Variants in SGK3 observed in about 807,000 individuals in gnomAD.
SGK3 encodes the protein serine/threonine-protein kinase Sgk3.
Under a neutral mutation model 68.5 loss-of-function variants are expected in SGK3, and 47 were observed. That is an observed-to-expected ratio of 0.69 (90% CI 0.54 to 0.87). SGK3 has a LOEUF of 0.87. SGK3 is among the 40% of genes least tolerant of loss of function. The probability of loss-of-function intolerance (pLI) is 0.00; values close to 1 mark genes in which losing one functional copy is unlikely to be tolerated. For synonymous variants in SGK3, 181 were observed against 189.1 expected (o/e 0.96, Z 0.35); for missense variants, 479 against 575.5 (o/e 0.83, Z 1.72).
chr8:66,721,881 A>G (rs2130336046), intron 1 of SGK3, among the ~76,000 whole-genome samples: 1 of 152,270 alleles, frequency 6.6e-6, no homozygotes, highest in South Asian at 2.1e-4. Flanking sequence ...TTTTGTTTTC[A>G]AGTAAGTTAA....
At chr8:66,786,784 C>G (rs1807215815) in intron 1 of SGK3, among the ~76,000 whole-genome samples, 2 of 152,252 alleles carry the variant, frequency 1.3e-5, no homozygotes, top group South Asian at 4.1e-4. Context: ...TTTAGCTAAG[C>G]TGTACAGTCT....
intron 1 of SGK3, among the ~76,000 whole-genome samples, chr8:66,781,112 A>T (rs1806958244): frequency 6.6e-6 from 1 of 152,178 alleles, no homozygotes. Flanking sequence ...GTATGTTCAC[A>T]TCTGCCTGTA....
chr8:66,722,499 G>C (rs1026998127), intron 1 of SGK3, among the ~76,000 whole-genome samples: 1 of 152,082 alleles, frequency 6.6e-6, no homozygotes, highest in African/African-American at 2.4e-5. Flanking sequence ...GTCTCGATCT[G>C]CTGACCTCGT....
chr8:66,784,191 A>AC (rs910112079), intron 1 of SGK3, among the ~76,000 whole-genome samples: 1 of 152,018 alleles, frequency 6.6e-6, no homozygotes, highest in Non-Finnish European at 1.5e-5. Flanking sequence ...GTCAACCATC[A>AC]CCCGGCCTAC....
chr8:66,827,010 T>G (rs541877121), intron 6 of SGK3, among the ~76,000 whole-genome samples: 3 of 152,310 alleles, frequency 2.0e-5, no homozygotes, highest in South Asian at 4.1e-4. Context: ...ATAGTTTATA[T>G]TCTAGATATT....
At chr8:66,841,950 T>C (rs1176039270) in intron 13 of SGK3, among the ~76,000 whole-genome samples, 1 of 152,188 alleles carries the variant, frequency 6.6e-6, no homozygotes, top group African/African-American at 2.4e-5. Flanking sequence ...TACCACATAA[T>C]ATTTCATCTT....
intron 1 of SGK3, among the ~76,000 whole-genome samples, chr8:66,715,138 T>C (rs1303970760): frequency 1.3e-5 from 2 of 152,234 alleles, no homozygotes; most frequent in Admixed American, 1.3e-4. Flanking sequence ...CCACCTCTGG[T>C]TTTTGAAAAA....
chr8:66,767,227 T>C (rs2130477378), intron 1 of SGK3, among the ~76,000 whole-genome samples: 1 of 152,364 alleles, frequency 6.6e-6, no homozygotes, highest in Admixed American at 6.5e-5. Context: ...TTATTTTGGA[T>C]TAAGCATTAT....
intron 4 of SGK3, among the ~76,000 whole-genome samples, chr8:66,813,504 G>A (rs1808462875): frequency 1.3e-5 from 2 of 151,898 alleles, no homozygotes; most frequent in Admixed American, 1.3e-4. Flanking sequence ...TTTATTCATT[G>A]TTTGGTAGTA....
intron 1 of SGK3, among the ~76,000 whole-genome samples, chr8:66,736,363 G>A (rs1021241687): frequency 2.0e-5 from 3 of 152,052 alleles, no homozygotes; most frequent in Non-Finnish European, 4.4e-5. Context: ...ATCTAGATAT[G>A]ATTTAAAGTA....
intron 12 of SGK3, 33 bp from the exon 13 acceptor site, chr8:66,840,991 A>G (rs754999794): frequency 4.8e-6 from 7 of 1,468,644 alleles, no homozygotes; most frequent in Non-Finnish European, 6.4e-6. Flanking sequence ...ATATTTATGC[A>G]TTGTTTTATC....
chr8:66,848,617 T>C (rs537477765), intron 15 of SGK3, among the ~76,000 whole-genome samples: 1 of 152,358 alleles, frequency 6.6e-6, no homozygotes, highest in South Asian at 2.1e-4. Flanking sequence ...TGTTTCCACC[T>C]GTGCACTGTA....
chr8:66,774,803 C>A (rs977995336), intron 1 of SGK3, among the ~76,000 whole-genome samples: 1 of 152,136 alleles, frequency 6.6e-6, no homozygotes, highest in Non-Finnish European at 1.5e-5. Context: ...CTAATGACGT[C>A]TCACGCCTGG....
intron 4 of SGK3, among the ~76,000 whole-genome samples, chr8:66,812,263 A>G (rs1290009281): frequency 6.6e-6 from 1 of 152,122 alleles, no homozygotes; most frequent in Admixed American, 6.6e-5. Flanking sequence ...TTTAGAGTAT[A>G]TTTCTTAAGA....
chr8:66,834,499 T>TG (rs1175842499), intron 8 of SGK3, among the ~76,000 whole-genome samples: 110 of 152,012 alleles, frequency 7.2e-4, no homozygotes, highest in African/African-American at 2.6e-3. Flanking sequence ...TGTTTTGTTT[T>TG]TTTGAACTGC....
At chr8:66,844,720 T>C (rs1809937281) in intron 14 of SGK3, among the ~76,000 whole-genome samples, 1 of 152,128 alleles carries the variant, frequency 6.6e-6, no homozygotes, top group Non-Finnish European at 1.5e-5. Context: ...CTGAGCTGAG[T>C]GTCTATTTGC....
chr8:66,752,524 G>T (rs1214540174), intron 1 of SGK3, among the ~76,000 whole-genome samples: 2 of 152,240 alleles, frequency 1.3e-5, no homozygotes, highest in Middle Eastern at 3.4e-3. Context: ...GTCAGAGAAG[G>T]CTTCAGGGAG....
intron 1 of SGK3, among the ~76,000 whole-genome samples, chr8:66,746,453 G>A (rs1322487896): frequency 6.6e-6 from 1 of 152,136 alleles, no homozygotes; most frequent in Non-Finnish European, 1.5e-5. Flanking sequence ...GCTCACACCT[G>A]TAGTCCCAGT....
At chr8:66,839,230 A>G (rs1199087944) in intron 10 of SGK3, among the ~76,000 whole-genome samples, 3 of 152,040 alleles carry the variant, frequency 2.0e-5, no homozygotes, top group African/African-American at 7.2e-5. Flanking sequence ...AACTTCCCCC[A>G]GGCAGTAACC....
Sources: gnomAD v4.1 joint callset for allele counts (sites outside exome capture counted in the v4.1 genomes callset) on GRCh38, gnomAD v4.1.1 for gene constraint, MANE v1.5 for transcripts, NCBI Gene and HGNC (gene_info 2026-07-23, HGNC 2026-07-21) for gene names.